Variants in ARPP21 observed in about 807,000 individuals in gnomAD.
ARPP21 encodes cAMP-regulated phosphoprotein 21.
ARPP21 carries 69 observed loss-of-function variants against 113.2 expected under a neutral mutation model. The observed-to-expected ratio is 0.61, with a 90% CI of 0.50 to 0.74. ARPP21 has a LOEUF of 0.74. ARPP21 is among the 30% of genes least tolerant of loss of function. The pLI is 0.00. For missense variants in ARPP21, 1,070 were observed against 1,037.4 expected (o/e 1.03, Z -0.43); for synonymous variants, 368 against 375.5 (o/e 0.98, Z 0.23).
At chr3:35,714,633 T>C (rs2092071011) in intron 11 of ARPP21, among the ~76,000 whole-genome samples, 1 of 152,182 alleles carries the variant, frequency 6.6e-6, no homozygotes, top group Non-Finnish European at 1.5e-5. Flanking sequence ...CAGCACCATA[T>C]CTTGTCTAGA....
chr3:35,726,252 A>G (rs1041371290), intron 14 of ARPP21, among the ~76,000 whole-genome samples: 11 of 152,212 alleles, frequency 7.2e-5, no homozygotes, highest in African/African-American at 2.7e-4. Context: ...TATCAATTTC[A>G]TTTTTTAAAA....
chr3:35,675,627 T>C (rs968662506), intron 1 of ARPP21, among the ~76,000 whole-genome samples: 1 of 151,964 alleles, frequency 6.6e-6, no homozygotes, highest in African/African-American at 2.4e-5. Flanking sequence ...TGAAATATGA[T>C]GTCTGTTACC....
intron 11 of ARPP21, among the ~76,000 whole-genome samples, chr3:35,710,542 A>ACACACAC (rs2090770382): frequency 7.5e-6 from 1 of 132,864 alleles, no homozygotes. Flanking sequence ...CTCTCTCTCA[A>ACACACAC]ACACACACAC....
At chr3:35,695,142 C>T (rs1024722583) in intron 9 of ARPP21, among the ~76,000 whole-genome samples, 1 of 151,372 alleles carries the variant, frequency 6.6e-6, no homozygotes, top group Non-Finnish European at 1.5e-5. Flanking sequence ...GATTGTTCAA[C>T]TCCATAGACT....
intron 1 of ARPP21, among the ~76,000 whole-genome samples, chr3:35,671,199 A>G (rs2149323093): frequency 6.6e-6 from 1 of 152,104 alleles, no homozygotes; most frequent in Non-Finnish European, 1.5e-5. Context: ...CTGAACATGG[A>G]CACTTTTCCT....
intron 19 of ARPP21, among the ~76,000 whole-genome samples, chr3:35,745,597 A>G (rs2094981965): frequency 6.6e-6 from 1 of 152,234 alleles, no homozygotes; most frequent in African/African-American, 2.4e-5. Context: ...CTCTAGATCT[A>G]TGTGAGGGGA....
intron 19 of ARPP21, among the ~76,000 whole-genome samples, chr3:35,751,956 C>A (rs1298584412): frequency 6.6e-6 from 1 of 152,054 alleles, no homozygotes; most frequent in African/African-American, 2.4e-5. Flanking sequence ...TTTGGAAATA[C>A]GTCATTACCT....
chr3:35,735,489 T>C (rs1275361573), intron 15 of ARPP21, among the ~76,000 whole-genome samples: 3 of 152,208 alleles, frequency 2.0e-5, no homozygotes, highest in Non-Finnish European at 4.4e-5. Context: ...TGTTGAAGAA[T>C]AAGGCTGTTG....
At chr3:35,753,772 G>A (rs2095480519) in intron 19 of ARPP21, among the ~76,000 whole-genome samples, 1 of 152,024 alleles carries the variant, frequency 6.6e-6, no homozygotes, top group East Asian at 1.9e-4. Flanking sequence ...CGAGCTGTTA[G>A]TATTAACAGC....
At chr3:35,748,697 A>C (rs949723696) in intron 19 of ARPP21, among the ~76,000 whole-genome samples, 1 of 152,210 alleles carries the variant, frequency 6.6e-6, no homozygotes, top group African/African-American at 2.4e-5. Flanking sequence ...TTAATGTTTT[A>C]AGTTTATTTT....
chr3:35,794,045 A>C lies in ARPP21; in HGVS notation c.*87A>C, dbSNP rs2096796711. ...AGGTGGGAAAACTGGCTGAGGACTT[A>C]AGTATTCACTCAACACTCAAATGAT... On this transcript the variant is annotated 3_prime_UTR_variant, in exon 21 of 21. Transcript: ENST00000684406. The C allele has an allele frequency of 2.5e-6, 3 of 1,192,324 alleles. No homozygotes were observed. The highest frequency in any genetic ancestry group is 2.6e-5 in the East Asian group (1 of 39,110). 73.9% of individuals were successfully genotyped at this position (1,192,324 alleles called of 1,614,324 possible). A position where few individuals can be genotyped will look rare whatever the true frequency, so the allele number is the denominator to read the frequency against.
chr3:35,670,879 T>A (rs189474852), intron 1 of ARPP21, among the ~76,000 whole-genome samples: 23 of 152,286 alleles, frequency 1.5e-4, no homozygotes, highest in African/African-American at 5.5e-4. Flanking sequence ...GAAGATACAC[T>A]GGCCTGCGGG....
Position 35,729,190 on chromosome 3 carries a change from G to A in ARPP21, c.1226-113G>A, listed in dbSNP as rs1427094634. On this transcript the variant is annotated intron_variant, in intron 14 of 20. Transcript: ENST00000684406. Reference sequence around the variant, plus strand: ...ATTAGTTAATCTCATCCTACAGCATGCGTCTCAAATTCTTTAATGATGTGT... The same window carrying A: ...ATTAGTTAATCTCATCCTACAGCATACGTCTCAAATTCTTTAATGATGTGT... 4.8e-5 allele frequency: 33 copies of A among 682,848 alleles called. No individual in the cohort carries two copies. In the South Asian group the frequency reaches 5.4e-4, roughly 11 times the overall value. 42.3% of individuals were successfully genotyped at this position (682,848 alleles called of 1,614,324 possible).
At chr3:35,727,875 A>G (rs2093650553) in intron 14 of ARPP21, among the ~76,000 whole-genome samples, 2 of 152,278 alleles carry the variant, frequency 1.3e-5, no homozygotes, top group Admixed American at 6.5e-5. Flanking sequence ...CCCAATGGAT[A>G]TATTGGGATA....
intron 5 of ARPP21, chr3:35,684,723 G>A (rs1456897465): frequency 1.0e-5 from 10 of 984,636 alleles, no homozygotes; most frequent in Non-Finnish European, 1.2e-5. Flanking sequence ...TTCCCCTCAT[G>A]GAAACAGAGA....
intron 13 of ARPP21, among the ~76,000 whole-genome samples, chr3:35,717,757 T>G (rs776022316): frequency 2.0e-5 from 3 of 152,164 alleles, no homozygotes; most frequent in Non-Finnish European, 2.9e-5. Context: ...TTTAATTTTA[T>G]CTGTTATATT....
At position 35,755,717 on chromosome 3, in the gene ARPP21, G is replaced by A. The variant is rs116359651; in HGVS notation, c.2137+11752G>A. 5.3e-3 allele frequency among the ~76,000 whole-genome samples: 807 copies of A among 152,170 alleles called. 1 individual carries two copies. Among genetic ancestry groups the A allele is most frequent in the African/African-American group, 0.017 (711 of 41,522 alleles). ...TGGCCCTCAGGATTTGTGACTTCAC[G>A]TAGCAATTAGTTGTGACAAAAGAGT... On this transcript the variant is annotated intron_variant, in intron 19 of 20. Coordinates refer to ENST00000684406, the MANE Select transcript of ARPP21 (RefSeq NM_001385562.1).
At position 35,655,939 on chromosome 3, in the gene ARPP21, A is replaced by G. The variant is rs77314639; in HGVS notation, c.-213+15541A>G. Among the ~76,000 whole-genome samples the G allele has an allele frequency of 5.0e-3, 757 of 152,164 alleles. 2 individuals carry two copies. The highest frequency in any genetic ancestry group is 8.7e-3 in the Non-Finnish European group (588 of 67,950). On this transcript the variant is annotated intron_variant, in intron 1 of 20. Transcript: ENST00000684406. ...TGATGTTGATGTTGCCAGTACATGA[A>G]CCAGAATTTGACAACTACTGATCTA...
In ARPP21 at chr3:35,720,964, A is replaced by T. The variant is rs2093004850; in HGVS notation, c.996-641A>T. ...ATTTTCAAAAGTTTTTCTACGTGAA[A>T]ATAATTAAAGGGTTCTTTCCTCTGA... On this transcript the variant is annotated intron_variant, in intron 13 of 20. Transcript: ENST00000684406. Among the ~76,000 whole-genome samples, 3 of 152,312 alleles carry T rather than the reference A, an allele frequency of 2.0e-5. No homozygotes were observed. The South Asian group carries it at 6.2e-4, about 32-fold the overall frequency.
Sources: gnomAD v4.1 joint callset for allele counts (sites outside exome capture counted in the v4.1 genomes callset) on GRCh38, gnomAD v4.1.1 for gene constraint, MANE v1.5 for transcripts, NCBI Gene and HGNC (gene_info 2026-07-23, HGNC 2026-07-21) for gene names.